USH2A: variants seen among roughly 807,000 people sequenced by gnomAD.
USH2A encodes the protein Usher syndrome 2A (autosomal recessive, mild).
In USH2A, 443 loss-of-function variants were observed where a neutral mutation model predicts 538.9. The ratio of observed to expected loss-of-function variants is 0.82; its 90% CI spans 0.76 to 0.89. The LOEUF (loss-of-function observed/expected upper bound fraction) is 0.89, where lower values mean the gene tolerates loss of function less well. USH2A is among the 40% of genes least tolerant of loss of function. USH2A has a pLI of 0.00. For missense variants in USH2A, 6,633 were observed against 6,324.8 expected (o/e 1.05, Z -1.65); for synonymous variants, 2,413 against 2,273.5 (o/e 1.06, Z -1.75).
intron 32 of USH2A, among the ~76,000 whole-genome samples, chr1:216,011,971 A>ATTT (rs36126185): frequency 7.0e-5 from 2 of 28,488 alleles, no homozygotes; most frequent in Non-Finnish European, 6.1e-5. Context: ...ATCACGCTTG[A>ATTT]TTTTTTTTTT....
chr1:216,184,883 C>A (rs755700120), intron 20 of USH2A, among the ~76,000 whole-genome samples: 6 of 151,826 alleles, frequency 4.0e-5, no homozygotes, highest in Non-Finnish European at 7.4e-5. Flanking sequence ...TAATGCACAC[C>A]AATTACTTGT....
intron 35 of USH2A, among the ~76,000 whole-genome samples, chr1:215,976,826 T>G (rs549789637): frequency 6.6e-6 from 1 of 152,238 alleles, no homozygotes; most frequent in African/African-American, 2.4e-5. Flanking sequence ...TTTTTAGTTG[T>G]GTCTTTGACA....
intron 9 of USH2A, among the ~76,000 whole-genome samples, chr1:216,312,161 A>G (rs1222707799): frequency 1.3e-5 from 2 of 150,388 alleles, no homozygotes; most frequent in African/African-American, 4.9e-5. Context: ...AAGATACAGA[A>G]TTCTAGGTGG....
At position 216,277,340 on chromosome 1, in the gene USH2A, C is replaced by A. The variant is rs568705256; in HGVS notation, c.1971+11940G>T. Among the ~76,000 whole-genome samples, 5 of 152,212 alleles carry A rather than the reference C, an allele frequency of 3.3e-5. No homozygotes were observed. In the East Asian group the frequency reaches 5.8e-4, roughly 18 times the overall value. ...CAAATCTTTTAACCTTGCACACAAGCTGTTTCTCCTCCTATGTCCAATTCT... is the reference window on the plus strand; with the variant it reads ...CAAATCTTTTAACCTTGCACACAAGATGTTTCTCCTCCTATGTCCAATTCT... On this transcript the variant is annotated intron_variant, in intron 11 of 71. Coordinates refer to ENST00000307340, the MANE Select transcript of USH2A (RefSeq NM_206933.4).
chr1:216,248,157 T>C (rs1008779738), intron 12 of USH2A, among the ~76,000 whole-genome samples: 2 of 152,112 alleles, frequency 1.3e-5, no homozygotes, highest in African/African-American at 4.8e-5. Flanking sequence ...AGAACATACC[T>C]CTTTAAACAC....
rs995870865 is a variant in USH2A, at chr1:216,070,102, T to C, written c.6048A>G (p.Thr2016=). 6 of 1,613,838 alleles carry C rather than the reference T, an allele frequency of 3.7e-6. No homozygotes were observed. The highest frequency in any genetic ancestry group is 1.3e-5 in the African/African-American group (1 of 74,938). ...SAEFVNTSNL[T]GILTGLLPFK... Reference sequence around the variant, plus strand: ...ACTCTGTTAAAGGATTGCATTTACCTGTGAGGTTGCTTGTATTGACAAATT... The same window carrying C: ...ACTCTGTTAAAGGATTGCATTTACCCGTGAGGTTGCTTGTATTGACAAATT... Residue 2016 remains threonine, a splice_region_variant and synonymous_variant, in exon 30 of 72, where the codon ACA becomes ACG. Transcript: ENST00000307340.
chr1:216,018,781 G>A (rs1211147077), intron 32 of USH2A, among the ~76,000 whole-genome samples: 6 of 124,944 alleles, frequency 4.8e-5, no homozygotes. Flanking sequence ...TTTGAAAAAT[G>A]TTAAGTAGCA....
chr1:216,287,952 T>C (rs1357249691), intron 11 of USH2A, among the ~76,000 whole-genome samples: 1 of 152,144 alleles, frequency 6.6e-6, no homozygotes, highest in Non-Finnish European at 1.5e-5. Flanking sequence ...ATTGGGGGCT[T>C]TTTATATGAT....
Position 215,640,684 on chromosome 1 carries a change from A to G in USH2A, c.14842T>C (p.Cys4948Arg), listed in dbSNP as rs916761288. ...AGGAAGGTGTCACTCCAGTTCACAC[A>G]CACCACAGACAAATTGCTGTCCACC... ...FSVDSNLSVVCVNWSDTFLLN... is the reference protein window; with the variant it reads ...FSVDSNLSVVRVNWSDTFLLN... Residue 4948 changes from cysteine to arginine, a missense_variant, in exon 68 of 72, where the codon TGT becomes CGT. By Grantham distance (180) the Cys-to-Arg change is radical. Coordinates refer to ENST00000307340, the MANE Select transcript of USH2A (RefSeq NM_206933.4). 4.3e-6 allele frequency: 7 copies of G among 1,613,922 alleles called. No homozygotes were observed. The Admixed American group carries it at 1.2e-4, about 27-fold the overall frequency.
At chr1:216,328,949 T>C (rs937556513) in intron 4 of USH2A, among the ~76,000 whole-genome samples, 1 of 152,172 alleles carries the variant, frequency 6.6e-6, no homozygotes, top group Non-Finnish European at 1.5e-5. Context: ...TCAGCTGATG[T>C]AGTCTAAGAA....
intron 47 of USH2A, among the ~76,000 whole-genome samples, chr1:215,822,776 G>C (rs1245758907): frequency 1.3e-5 from 2 of 151,722 alleles, no homozygotes; most frequent in African/African-American, 4.8e-5. Flanking sequence ...CTTTTATTTT[G>C]ATGTATGCAC....
intron 35 of USH2A, among the ~76,000 whole-genome samples, chr1:215,972,696 T>G (rs1294781172): frequency 1.3e-5 from 2 of 152,318 alleles, no homozygotes; most frequent in East Asian, 3.9e-4. Flanking sequence ...CAACCTTGTA[T>G]AGTTTACCAT....
intron 9 of USH2A, among the ~76,000 whole-genome samples, chr1:216,295,070 T>C (rs1212489482): frequency 6.6e-6 from 1 of 151,830 alleles, no homozygotes; most frequent in Non-Finnish European, 1.5e-5. Context: ...ATAGGCATAA[T>C]TATCTTTTTA....
intron 40 of USH2A, among the ~76,000 whole-genome samples, chr1:215,897,458 G>A (rs1036971570): frequency 2.0e-5 from 3 of 152,038 alleles, no homozygotes; most frequent in East Asian, 1.9e-4. Context: ...AGGCTGAGGC[G>A]GCTGGATCAC....
At chr1:216,310,747 T>C (rs903490071) in intron 9 of USH2A, among the ~76,000 whole-genome samples, 1 of 152,216 alleles carries the variant, frequency 6.6e-6, no homozygotes, top group Non-Finnish European at 1.5e-5. Flanking sequence ...TTTTTCTGTG[T>C]TCTACTGGAG....
chr1:216,234,375 T>C (rs2035765966), intron 13 of USH2A, among the ~76,000 whole-genome samples: 1 of 152,176 alleles, frequency 6.6e-6, no homozygotes, highest in Admixed American at 6.5e-5. Context: ...TTTATCATAA[T>C]TTACAGCCAG....
At chr1:216,394,747 C>G (rs1301553278) in intron 3 of USH2A, among the ~76,000 whole-genome samples, 1 of 36,048 alleles carries the variant, frequency 2.8e-5, no homozygotes, top group Non-Finnish European at 6.9e-5. Context: ...GAGACAGAGT[C>G]TCGCTCTGTC....
intron 5 of USH2A, among the ~76,000 whole-genome samples, chr1:216,326,194 C>A (rs971719208): frequency 6.6e-6 from 1 of 152,172 alleles, no homozygotes; most frequent in Non-Finnish European, 1.5e-5. Context: ...TCAAAGAATG[C>A]CAATTCCAGG....
chr1:215,901,064 G>A (rs1387630111), intron 38 of USH2A, 159 bp from the exon 39 acceptor site: 3 of 878,100 alleles, frequency 3.4e-6, no homozygotes, highest in East Asian at 2.7e-5. Flanking sequence ...CTGAACTCCT[G>A]TACTTCCTTA....
Sources: allele counts gnomAD v4.1 joint callset (sites outside exome capture counted in the v4.1 genomes callset), GRCh38; gene constraint gnomAD v4.1.1; transcripts MANE v1.5; gene names NCBI Gene and HGNC (gene_info 2026-07-23, HGNC 2026-07-21).